ZNF423: variants seen among roughly 807,000 people sequenced by gnomAD.
ZNF423 encodes the protein Ebf-associated zinc finger protein.
A neutral mutation model predicts 95.8 loss-of-function variants in ZNF423; 12 were observed. The ratio of observed to expected loss-of-function variants is 0.13; its 90% CI spans 0.08 to 0.20. The LOEUF (loss-of-function observed/expected upper bound fraction) is 0.20, where lower values mean the gene tolerates loss of function less well. Among genes scored for constraint, ZNF423 ranks in the 10% least tolerant of loss-of-function variants. ZNF423 has a pLI of 1.00. For missense variants in ZNF423, 1,316 were observed against 1,737.1 expected (o/e 0.76, Z 4.31); for synonymous variants, 749 against 711.9 (o/e 1.05, Z -0.83).
chr16:49,826,513 G>A (rs2035006686), intron 1 of ZNF423, among the ~76,000 whole-genome samples: 1 of 152,166 alleles, frequency 6.6e-6, no homozygotes, highest in African/African-American at 2.4e-5. Context: ...CTAACCACCT[G>A]TGTGATTGGG....
rs570871135 is a variant in ZNF423, at chr16:49,841,202, C to G, written c.40+14533G>C. On this transcript the variant is annotated intron_variant, in intron 1 of 7. Transcript: ENST00000563137. ...ATCTGTCTGCTCAGAATCCTCCCCCCACTCCAGAAGCTTGGGGATCCTAGG... is the reference window on the plus strand; with the variant it reads ...ATCTGTCTGCTCAGAATCCTCCCCCGACTCCAGAAGCTTGGGGATCCTAGG... 7.2e-5 allele frequency among the ~76,000 whole-genome samples: 11 copies of G among 152,228 alleles called. No homozygotes were observed. In the East Asian group the frequency reaches 7.7e-4, roughly 11 times the overall value.
chr16:49,558,008 G>A (rs1969890873), intron 5 of ZNF423, among the ~76,000 whole-genome samples: 1 of 152,254 alleles, frequency 6.6e-6, no homozygotes, highest in Non-Finnish European at 1.5e-5. Context: ...CCACCACAGA[G>A]AGAGCCAACA....
intron 5 of ZNF423, among the ~76,000 whole-genome samples, chr16:49,549,924 G>C (rs1969577121): frequency 6.6e-6 from 1 of 151,700 alleles, no homozygotes; most frequent in Non-Finnish European, 1.5e-5. Context: ...CCAGGCAGGA[G>C]TGCAGTGGTG....
chr16:49,730,520 A>C (rs989481311), intron 3 of ZNF423: 7 of 550,754 alleles, frequency 1.3e-5, no homozygotes, highest in Admixed American at 3.1e-5. Flanking sequence ...TGAGTACCAG[A>C]GCACAGCTTG....
rs1223610559 is a variant in ZNF423 at position 49,554,137 on chromosome 16, G to C, written c.3602-28643C>G. ...TGCATCCATGCTGGAGAGCCCCAGA[G>C]TCAAGCTTATCCAGCTCCCAACTTT... is the stretch of plus-strand genomic sequence containing the variant. On this transcript the variant is annotated intron_variant, in intron 5 of 7. Coordinates refer to ENST00000563137, the MANE Select transcript of ZNF423 (RefSeq NM_001379286.1). Among the ~76,000 whole-genome samples the C allele has an allele frequency of 2.0e-5, 3 of 152,186 alleles. No individual in the cohort carries two copies. In the East Asian group the frequency reaches 5.8e-4, roughly 29 times the overall value.
intron 3 of ZNF423, among the ~76,000 whole-genome samples, chr16:49,681,955 C>A (rs956793759): frequency 1.3e-5 from 2 of 151,982 alleles, no homozygotes; most frequent in African/African-American, 4.8e-5. Flanking sequence ...TATCAGAATT[C>A]TTTCTGTACC....
At chr16:49,701,148 A>T (rs1373126078) in intron 3 of ZNF423, among the ~76,000 whole-genome samples, 3 of 152,214 alleles carry the variant, frequency 2.0e-5, no homozygotes, top group African/African-American at 7.2e-5. Context: ...TAACATGTTT[A>T]AGTCTTGTAA....
rs1200347667 is a variant in ZNF423 at position 49,638,788 on chromosome 16, C to T, written c.388G>A (p.Gly130Ser). The change falls in exon 4 of 8, where the codon GGT becomes AGT. Residue 130 changes from glycine to serine, a missense_variant. Gly to Ser is a moderately conservative substitution (Grantham distance 56). This residue lies in a region of ZNF423 where 155 missense variants were observed against 170.8 expected (regional missense o/e 0.91). Coordinates refer to ENST00000563137, the MANE Select transcript of ZNF423 (RefSeq NM_001379286.1). This position sits in a 1 kb window ranked among gnomAD's most constrained non-coding sequence, Gnocchi z 5.6. ...VASPTQMIGDGCDLGLGEEEG... is the reference protein window; with the variant it reads ...VASPTQMIGDSCDLGLGEEEG... ...TCCTCGCCGAGGCCGAGGTCACAACCATCTCCGATCATCTGCGTGGGTGAC... is the reference window on the plus strand; with the variant it reads ...TCCTCGCCGAGGCCGAGGTCACAACTATCTCCGATCATCTGCGTGGGTGAC... The T allele has an allele frequency of 3.7e-6, 6 of 1,614,156 alleles. No homozygotes were observed. Among genetic ancestry groups the T allele is most frequent in the Non-Finnish European group, 1.7e-6 (2 of 1,180,026 alleles).
chr16:49,704,977 G>A (rs761400579), intron 3 of ZNF423, among the ~76,000 whole-genome samples: 4 of 152,152 alleles, frequency 2.6e-5, no homozygotes, highest in Non-Finnish European at 4.4e-5. Flanking sequence ...CCTCCAGGAG[G>A]CCACCCTTTG....
At chr16:49,834,996 AG>A (rs1288112064) in intron 1 of ZNF423, among the ~76,000 whole-genome samples, 4 of 151,988 alleles carry the variant, frequency 2.6e-5, no homozygotes, top group African/African-American at 9.7e-5. Flanking sequence ...TTGGGGGGCC[AG>A]GGCTGAGCGG....
At chr16:49,805,961 G>A (rs2034656504) in intron 1 of ZNF423, among the ~76,000 whole-genome samples, 1 of 152,260 alleles carries the variant, frequency 6.6e-6, no homozygotes, top group African/African-American at 2.4e-5. Context: ...CCGCCTGCCT[G>A]GACCTTAACA....
chr16:49,694,991 C>T (rs1434153859), intron 3 of ZNF423, among the ~76,000 whole-genome samples: 1 of 152,198 alleles, frequency 6.6e-6, no homozygotes, highest in Non-Finnish European at 1.5e-5. Context: ...GCCTCTGGCT[C>T]CCACATCCAT....
At position 49,756,733 on chromosome 16, in the gene ZNF423, C is replaced by A. The variant is rs541733164; in HGVS notation, c.101-25762G>T. ...AACCATCACCACCTCCCAGGGCACA[C>A]GGGCAAAAAGGCACGGGTCATGGGT... On this transcript the variant is annotated intron_variant, in intron 2 of 7. Transcript: ENST00000563137. Among the ~76,000 whole-genome samples, 3 of 152,268 alleles carry A rather than the reference C, an allele frequency of 2.0e-5. No individual in the cohort carries two copies. The South Asian group carries it at 6.2e-4, about 32-fold the overall frequency.
intron 7 of ZNF423, among the ~76,000 whole-genome samples, chr16:49,515,005 C>G (rs1395772119): frequency 6.6e-6 from 1 of 152,246 alleles, no homozygotes; most frequent in African/African-American, 2.4e-5. Flanking sequence ...TTCTATTCCC[C>G]CATGACAGGA....
At chr16:49,625,225 T>C (rs912022279) in intron 5 of ZNF423, among the ~76,000 whole-genome samples, 1 of 151,968 alleles carries the variant, frequency 6.6e-6, no homozygotes, top group Non-Finnish European at 1.5e-5. Flanking sequence ...CAGTGGCAGG[T>C]GCCTGTAATC....
chr16:49,538,062 C>A (rs1372220874), intron 5 of ZNF423, among the ~76,000 whole-genome samples: 2 of 152,208 alleles, frequency 1.3e-5, no homozygotes, highest in Non-Finnish European at 2.9e-5. Context: ...CTGATCCCAT[C>A]CAGCAGCCAC....
intron 2 of ZNF423, among the ~76,000 whole-genome samples, chr16:49,780,376 A>T (rs573587092): frequency 5.3e-5 from 8 of 152,332 alleles, no homozygotes; most frequent in African/African-American, 1.9e-4. Flanking sequence ...GGAGCCCAGG[A>T]TGCAGCACAA....
intron 5 of ZNF423, among the ~76,000 whole-genome samples, chr16:49,544,297 C>T (rs1969362595): frequency 1.3e-5 from 2 of 152,172 alleles, no homozygotes; most frequent in African/African-American, 2.4e-5. Flanking sequence ...TTCGACTTCT[C>T]GATCTGGATG....
At chr16:49,517,852 C>A in intron 7 of ZNF423, 1 of 423,586 alleles carries the variant, frequency 2.4e-6, no homozygotes, top group Non-Finnish European at 4.6e-6. Flanking sequence ...CGCTTTGCTC[C>A]AAAATCTCTT....
Sources: gnomAD v4.1 joint callset for allele counts (sites outside exome capture counted in the v4.1 genomes callset) on GRCh38, gnomAD v4.1.1 for gene constraint, gnomAD v4.1.1 regional missense constraint, Gnocchi (gnomAD v3.1) non-coding constraint, MANE v1.5 for transcripts, NCBI Gene and HGNC (gene_info 2026-07-23, HGNC 2026-07-21) for gene names.